The following MAN1A1 variants were observed in gnomAD, a reference collection of about 807,000 sequenced individuals.
The protein encoded by MAN1A1 is mannosidase alpha class 1A member 1, also known as mannosyl-oligosaccharide 1,2-alpha-mannosidase IA.
In MAN1A1, 29 loss-of-function variants were observed where a neutral mutation model predicts 70.8. The observed-to-expected ratio is 0.41, with a 90% CI of 0.31 to 0.56. The LOEUF (loss-of-function observed/expected upper bound fraction) is 0.56, where lower values mean the gene tolerates loss of function less well. Among genes scored for constraint, MAN1A1 ranks in the 20% least tolerant of loss-of-function variants. The pLI is 0.29. For missense variants in MAN1A1, 747 were observed against 841.3 expected, an observed-to-expected ratio of 0.89 and a Z score of 1.39; for synonymous variants, 349 against 330.1, an observed-to-expected ratio of 1.06 and a Z score of -0.62.
intron 5 of MAN1A1, among the ~76,000 whole-genome samples, chr6:119,249,377 G>C (rs62418830): frequency 2.3e-3 from 357 of 152,290 alleles, no homozygotes; most frequent in Non-Finnish European, 4.0e-3. Context: ...TTAATTAGAT[G>C]AGGCCCATCC....
intron 10 of MAN1A1, among the ~76,000 whole-genome samples, chr6:119,188,984 G>A (rs938225017): frequency 6.6e-6 from 1 of 152,084 alleles, no homozygotes; most frequent in African/African-American, 2.4e-5. Context: ...AGGTCTGACT[G>A]TACTTTAACA....
chr6:119,195,318 T>C (rs1021158851), intron 8 of MAN1A1, among the ~76,000 whole-genome samples: 1 of 152,202 alleles, frequency 6.6e-6, no homozygotes, highest in South Asian at 2.1e-4. Flanking sequence ...TCACTTGCTA[T>C]AAAGCCCTTC....
intron 5 of MAN1A1, 134 bp from the exon 6 acceptor site, chr6:119,248,488 T>C: frequency 3.2e-6 from 2 of 615,582 alleles, no homozygotes; most frequent in South Asian, 4.2e-5. Context: ...ACAAAAAGTT[T>C]ACCAAATTAA....
intron 11 of MAN1A1, among the ~76,000 whole-genome samples, chr6:119,183,689 C>T (rs1773212534): frequency 6.6e-6 from 1 of 152,072 alleles, no homozygotes; most frequent in Non-Finnish European, 1.5e-5. Context: ...AGAGGAGTTG[C>T]TTTTGGGGTG....
intron 10 of MAN1A1, among the ~76,000 whole-genome samples, 185 bp downstream of exon 10, chr6:119,189,479 G>C (rs190687175): frequency 6.6e-6 from 1 of 152,194 alleles, no homozygotes; most frequent in Admixed American, 6.5e-5. Context: ...GTAAACTAAA[G>C]GTAGATATTT....
intron 5 of MAN1A1, among the ~76,000 whole-genome samples, chr6:119,248,689 C>T (rs776532441): frequency 1.3e-5 from 2 of 152,114 alleles, no homozygotes; most frequent in Admixed American, 6.5e-5. Flanking sequence ...TCACAGGCGA[C>T]GCCAGGTGAT....
chr6:119,340,199 C>A (rs1773562746), intron 2 of MAN1A1, among the ~76,000 whole-genome samples: 1 of 152,188 alleles, frequency 6.6e-6, no homozygotes, highest in Non-Finnish European at 1.5e-5. Context: ...CTTCCCTAAT[C>A]ATTCCACAGG....
chr6:119,260,079 A>G (rs191880126), intron 5 of MAN1A1, among the ~76,000 whole-genome samples: 3 of 152,310 alleles, frequency 2.0e-5, no homozygotes, highest in East Asian at 3.9e-4. Flanking sequence ...ACAACATTCT[A>G]TATCAGGGGT....
At chr6:119,231,677 C>CCCT (rs1774681264) in intron 6 of MAN1A1, among the ~76,000 whole-genome samples, 1 of 152,032 alleles carries the variant, frequency 6.6e-6, no homozygotes, top group Non-Finnish European at 1.5e-5. Flanking sequence ...AGGATGAAGC[C>CCCT]CCTGGACTGG....
chr6:119,317,232 A>G (rs896889365), intron 2 of MAN1A1, among the ~76,000 whole-genome samples: 67 of 152,218 alleles, frequency 4.4e-4, no homozygotes, highest in African/African-American at 1.5e-3. Flanking sequence ...ATGGACCTAC[A>G]CTGACACATC....
chr6:119,347,857 C>G (rs1773774481), intron 2 of MAN1A1, among the ~76,000 whole-genome samples: 1 of 152,178 alleles, frequency 6.6e-6, no homozygotes, highest in South Asian at 2.1e-4. Flanking sequence ...CATGGAATAC[C>G]CTATTTCTGG....
chr6:119,247,710 A>G (rs1320692886), intron 6 of MAN1A1, among the ~76,000 whole-genome samples: 1 of 152,144 alleles, frequency 6.6e-6, no homozygotes, highest in Non-Finnish European at 1.5e-5. Flanking sequence ...TCCACCAAAG[A>G]GGATGAGAAG....
intron 6 of MAN1A1, among the ~76,000 whole-genome samples, chr6:119,221,054 C>A (rs1265278548): frequency 6.6e-6 from 1 of 152,104 alleles, no homozygotes; most frequent in Non-Finnish European, 1.5e-5. Flanking sequence ...ACCCCCGAAG[C>A]AAATTCTAAA....
chr6:119,311,390 T>C (rs973848590), intron 2 of MAN1A1, among the ~76,000 whole-genome samples: 8 of 152,158 alleles, frequency 5.3e-5, no homozygotes, highest in African/African-American at 1.9e-4. Context: ...CTATTTGGTA[T>C]CCAAAAGATG....
At position 119,246,946 on chromosome 6, in the gene MAN1A1, T is replaced by C. The variant is rs1395842085; in HGVS notation, c.992+1314A>G. On this transcript the variant is annotated intron_variant, in intron 6 of 12. Coordinates refer to ENST00000368468, the MANE Select transcript of MAN1A1 (RefSeq NM_005907.4). ...ACATTCTGCAATAGAGAACGATTAA[T>C]ATCTCAGTTTAACATGGCCCAGAGG... is the stretch of plus-strand genomic sequence containing the variant. 2.0e-5 allele frequency among the ~76,000 whole-genome samples: 3 copies of C among 152,088 alleles called. 1 individual carries two copies. The highest frequency in any genetic ancestry group is 4.1e-4 in the South Asian group (2 of 4,824).
At chr6:119,291,026 TTAAAA>T (rs1776525334) in intron 4 of MAN1A1, among the ~76,000 whole-genome samples, 2 of 151,862 alleles carry the variant, frequency 1.3e-5, no homozygotes, top group South Asian at 2.1e-4. Context: ...AAAAACATAC[TTAAAA>T]TAAATGATAC....
intron 6 of MAN1A1, among the ~76,000 whole-genome samples, chr6:119,233,578 A>G (rs1650269250): frequency 6.6e-6 from 1 of 152,250 alleles, no homozygotes; most frequent in Non-Finnish European, 1.5e-5. Context: ...GCAGCCTTTG[A>G]AGCCAAATGC....
chr6:119,193,401 A>T (rs937460289), intron 9 of MAN1A1, among the ~76,000 whole-genome samples: 1 of 151,480 alleles, frequency 6.6e-6, no homozygotes, highest in Non-Finnish European at 1.5e-5. Context: ...ACATGGAGGT[A>T]GCCATTGGGA....
chr6:119,333,933 C>CA (rs1773386360), intron 2 of MAN1A1, among the ~76,000 whole-genome samples: 1 of 152,102 alleles, frequency 6.6e-6, no homozygotes, highest in Non-Finnish European at 1.5e-5. Context: ...ACTGACTTCC[C>CA]AGACTCTCAG....
Sources: gnomAD v4.1 joint callset for allele counts (sites outside exome capture counted in the v4.1 genomes callset) on GRCh38, gnomAD v4.1.1 for gene constraint, MANE v1.5 for transcripts, NCBI Gene and HGNC (gene_info 2026-07-23, HGNC 2026-07-21) for gene names.